Variants in CSMD1 observed in about 807,000 individuals in gnomAD.
The protein encoded by CSMD1 is CUB and sushi domain-containing protein 1.
Under a neutral mutation model 417.5 loss-of-function variants are expected in CSMD1, and 213 were observed. That is an observed-to-expected ratio of 0.51 (90% confidence interval 0.46 to 0.57). CSMD1 has a LOEUF of 0.57. Among genes scored for constraint, CSMD1 ranks in the 20% least tolerant of loss-of-function variants. The pLI is 0.00. For synonymous variants in CSMD1, 2,862 were observed against 1,736.8 expected (o/e 1.65, Z -16.11); for missense variants, 6,923 against 4,529.7 (o/e 1.53, Z -15.17).
In CSMD1 at chr8:4,177,288, G is replaced by T. The variant is rs373193544; in HGVS notation, c.416-145189C>A. Among the ~76,000 whole-genome samples the T allele has an allele frequency of 3.3e-4, 50 of 152,064 alleles. 1 individual carries two copies. Among genetic ancestry groups the T allele is most frequent in the Admixed American group, 2.0e-3 (30 of 15,262 alleles). ...AGGATTAAGAAACTCACTCAAAACC[G>T]CTCAACTACATGGAAACTGAACAAC... On this transcript the variant is annotated intron_variant, in intron 3 of 69. Transcript: ENST00000635120.
chr8:3,371,937 C>G (rs904316808), intron 18 of CSMD1, among the ~76,000 whole-genome samples: 3 of 152,182 alleles, frequency 2.0e-5, no homozygotes, highest in Non-Finnish European at 4.4e-5. Context: ...TATTGGGCAC[C>G]TGCTATTGAG....
At chr8:2,982,860 T>C (rs1268180090) in intron 54 of CSMD1, among the ~76,000 whole-genome samples, 3 of 152,094 alleles carry the variant, frequency 2.0e-5, no homozygotes, top group African/African-American at 4.8e-5. Context: ...TGTTGATCAA[T>C]AGAAACGAAG....
At chr8:3,537,258 C>G (rs1798242092) in intron 10 of CSMD1, among the ~76,000 whole-genome samples, 1 of 152,192 alleles carries the variant, frequency 6.6e-6, no homozygotes, top group Admixed American at 6.5e-5. Flanking sequence ...CTGCCTTGGC[C>G]TCCCAAAGTG....
chr8:4,822,507 G>A lies in CSMD1; in HGVS notation c.85+171825C>T, dbSNP rs532591898. 1.2e-4 allele frequency among the ~76,000 whole-genome samples: 18 copies of A among 151,992 alleles called. No homozygotes were observed. In the South Asian group the frequency reaches 3.1e-3, roughly 26 times the overall value. On this transcript the variant is annotated intron_variant, in intron 1 of 69. Coordinates refer to ENST00000635120, the MANE Select transcript of CSMD1 (RefSeq NM_033225.6). ...CGATGGAGATGTTTCTCATTTACCT[G>A]GGCCACAGGATAACTAGGCAGTTAT...
At chr8:3,651,809 C>G (rs540880378) in intron 7 of CSMD1, among the ~76,000 whole-genome samples, 1 of 150,662 alleles carries the variant, frequency 6.6e-6, no homozygotes, top group African/African-American at 2.4e-5. Context: ...TCGCACTTAC[C>G]ACCATCAGAG....
chr8:3,227,663 C>T (rs757118295), intron 27 of CSMD1, among the ~76,000 whole-genome samples: 1 of 151,818 alleles, frequency 6.6e-6, no homozygotes, highest in African/African-American at 2.4e-5. Flanking sequence ...TCACTAAAAA[C>T]GAGTAGAAAA....
At chr8:4,930,131 G>C (rs569467748) in intron 1 of CSMD1, among the ~76,000 whole-genome samples, 1 of 152,154 alleles carries the variant, frequency 6.6e-6, no homozygotes, top group Non-Finnish European at 1.5e-5. Context: ...TACATCAATT[G>C]CGTTGATTGG....
rs199765106 is a variant in CSMD1 at position 3,537,014 on chromosome 8, C to CT, written c.1344+37930dup. On this transcript the variant is annotated intron_variant, in intron 10 of 69. Coordinates refer to ENST00000635120, the MANE Select transcript of CSMD1 (RefSeq NM_033225.6). ...ACTCTTTTTTTCTTTTCTTTCTTTT[C>CT]TTTTTTTTGAGATGGAGTCTTTCTC... 8.9e-4 allele frequency among the ~76,000 whole-genome samples: 135 copies of CT among 151,940 alleles called. No individual in the cohort carries two copies. In the East Asian group the frequency reaches 0.015, roughly 17 times the overall value.
chr8:4,222,256 C>G (rs745324829), intron 3 of CSMD1, among the ~76,000 whole-genome samples: 52 of 152,164 alleles, frequency 3.4e-4, no homozygotes, highest in Admixed American at 2.2e-3. Flanking sequence ...GTCAGCTAAT[C>G]TTTTCCCAGT....
chr8:4,980,050 A>C (rs1357040040), intron 1 of CSMD1, among the ~76,000 whole-genome samples: 1 of 152,188 alleles, frequency 6.6e-6, no homozygotes, highest in Non-Finnish European at 1.5e-5. Flanking sequence ...AAATAAATAA[A>C]TAAATAAATT....
chr8:4,828,770 T>G (rs1165377167), intron 1 of CSMD1, among the ~76,000 whole-genome samples: 2 of 152,164 alleles, frequency 1.3e-5, no homozygotes, highest in Non-Finnish European at 2.9e-5. Flanking sequence ...TCCTCATGCC[T>G]CAGTTTCTTT....
intron 1 of CSMD1, among the ~76,000 whole-genome samples, chr8:4,979,259 A>C (rs1810740309): frequency 6.6e-6 from 1 of 152,176 alleles, no homozygotes. Flanking sequence ...ACATTTATTT[A>C]AGCTTAGTAA....
At position 4,775,978 on chromosome 8, in the gene CSMD1, G is replaced by C. The variant is rs984656695; in HGVS notation, c.86-138420C>G. 3.3e-5 allele frequency among the ~76,000 whole-genome samples: 5 copies of C among 152,306 alleles called. No individual in the cohort carries two copies. In the South Asian group the frequency reaches 1.0e-3, roughly 32 times the overall value. ...CATGACCAACATTAAATGAGACGGA[G>C]GGAACAGCAACCTCAGAAATGCCAG... On this transcript the variant is annotated intron_variant, in intron 1 of 69. Transcript: ENST00000635120.
In CSMD1 at chr8:3,142,567, T is replaced by C. The variant is rs747730493; in HGVS notation, c.6139A>G (p.Thr2047Ala). 6.2e-7 allele frequency: 1 copy of C among 1,614,008 alleles called. No homozygotes were observed. ...CTCAGCAGGGCCGCGGGGAGATCCG[T>C]GCCGCTAAATTGTCCAATCATGGGG... ...TSPMIGQFSG[T>A]DLPAALLSTT... Residue 2047 changes from threonine (T) to alanine (A), a missense_variant, in exon 41 of 70, where the codon ACG (threonine) becomes GCG (alanine). Physicochemically the swap from Thr to Ala is moderately conservative, Grantham distance 58. Transcript: ENST00000635120.
chr8:3,476,739 C>A (rs534266015), intron 11 of CSMD1, among the ~76,000 whole-genome samples: 2 of 151,892 alleles, frequency 1.3e-5, no homozygotes, highest in East Asian at 2.0e-4. Flanking sequence ...CCAACATGAT[C>A]AAACTCCATC....
intron 1 of CSMD1, among the ~76,000 whole-genome samples, chr8:4,900,377 C>T (rs969477531): frequency 3.3e-5 from 5 of 152,144 alleles, no homozygotes; most frequent in African/African-American, 4.8e-5. Flanking sequence ...CAACCCTTGA[C>T]GAACCTCCTT....
intron 49 of CSMD1, among the ~76,000 whole-genome samples, chr8:3,073,641 T>A (rs959246267): frequency 7.9e-5 from 12 of 152,152 alleles, no homozygotes; most frequent in Admixed American, 5.9e-4. Flanking sequence ...GATGTTTCAA[T>A]TCATAGACTA....
rs574224545 is a variant in CSMD1 at position 3,930,720 on chromosome 8, T to G, written c.818+67183A>C. 6.6e-5 allele frequency among the ~76,000 whole-genome samples: 10 copies of G among 150,510 alleles called. 1 individual carries two copies. In the South Asian group the frequency reaches 1.9e-3, roughly 29 times the overall value. On this transcript the variant is annotated intron_variant, in intron 5 of 69. Transcript: ENST00000635120. ...TTCTGCAGAAAGGAAAAAAATGGCC[T>G]TGTGAGGAAATTAAATTTATGTTCA...
At chr8:3,276,297 A>G (rs75841915) in intron 26 of CSMD1, among the ~76,000 whole-genome samples, 41,698 of 151,898 alleles carry the variant, frequency 0.27, 5,920 homozygotes, top group African/African-American at 0.34. Context: ...CTCCAGCTGC[A>G]TGCTGGGAGA....
Sources: allele counts gnomAD v4.1 joint callset (sites outside exome capture counted in the v4.1 genomes callset), GRCh38; gene constraint gnomAD v4.1.1; transcripts MANE v1.5; gene names NCBI Gene and HGNC (gene_info 2026-07-23, HGNC 2026-07-21).